AVEN: variants seen among roughly 807,000 people sequenced by gnomAD.
The protein encoded by AVEN is apoptosis and caspase activation inhibitor, also known as cell death regulator Aven.
A neutral mutation model predicts 38.1 loss-of-function variants in AVEN; 41 were observed. The ratio of observed to expected loss-of-function variants is 1.08; its 90% CI spans 0.84 to 1.40. The LOEUF (loss-of-function observed/expected upper bound fraction) is 1.40, where lower values mean the gene tolerates loss of function less well. Ranked by LOEUF, AVEN falls within the 40% of genes most tolerant of loss-of-function variation. The probability of loss-of-function intolerance (pLI) is 0.00; values close to 1 mark genes in which losing one functional copy is unlikely to be tolerated. For missense variants in AVEN, 605 were observed against 438.8 expected (o/e 1.38, Z -3.38); for synonymous variants, 206 against 171.8 (o/e 1.20, Z -1.56).
chr15:34,064,114 C>T, intron 4 of AVEN: 5 of 1,614,178 alleles, frequency 3.1e-6, no homozygotes, highest in Non-Finnish European at 4.2e-6. Flanking sequence ...CTGGTTTCTA[C>T]CTTCTGTGAC....
chr15:34,052,192 C>T (rs1217068992), intron 5 of AVEN, among the ~76,000 whole-genome samples: 1 of 151,920 alleles, frequency 6.6e-6, no homozygotes, highest in African/African-American at 2.4e-5. Flanking sequence ...GTTGGTTCAA[C>T]ATATGCAAAT....
chr15:33,860,944 T>A, intron 11 of AVEN: 1 of 643,646 alleles, frequency 1.6e-6, no homozygotes, highest in Non-Finnish European at 2.6e-6. Flanking sequence ...ATGGCACTAC[T>A]GAGTGAATGA....
rs764513368 is a variant in AVEN, at chr15:33,866,770, T to C, written c.974-42A>G. The C allele has an allele frequency of 3.5e-6, 5 of 1,422,300 alleles. No individual in the cohort carries two copies. The East Asian group carries it at 9.1e-5, about 26-fold the overall frequency. 88.1% of individuals were successfully genotyped at this position (1,422,300 alleles called of 1,614,324 possible). ...AATGTTAACACCCTCAGATGAGTCC[T>C]AAAATTGAAGGTATAATTCAGCCCA... On this transcript the variant is annotated intron_variant, in intron 5 of 5. Transcript: ENST00000306730.
chr15:33,910,905 G>T (rs1892892435), intron 2 of AVEN, among the ~76,000 whole-genome samples: 1 of 152,062 alleles, frequency 6.6e-6, no homozygotes, highest in South Asian at 2.1e-4. Flanking sequence ...TATACAAAAT[G>T]GACAAATAAT....
the AVEN span, chr15:33,852,867 T>C: frequency 5.1e-6 from 3 of 592,660 alleles, no homozygotes; most frequent in East Asian, 3.0e-5. Context: ...AATGAAGCCA[T>C]ACATGACTCA....
chr15:33,857,922 C>T (rs1034336149), downstream of AVEN: 3 of 1,380,228 alleles, frequency 2.2e-6, no homozygotes, highest in Middle Eastern at 1.9e-4. Context: ...ACGGTGAGAG[C>T]CCACCCACTG....
intron 2 of AVEN, among the ~76,000 whole-genome samples, chr15:33,885,364 G>A (rs1891661409): frequency 6.6e-6 from 1 of 152,146 alleles, no homozygotes; most frequent in Non-Finnish European, 1.5e-5. Context: ...CCACAGCTCA[G>A]CCTACAGGAC....
At chr15:34,050,699 A>T (rs926531755) in intron 5 of AVEN, among the ~76,000 whole-genome samples, 5 of 152,234 alleles carry the variant, frequency 3.3e-5, no homozygotes, top group African/African-American at 1.2e-4. Context: ...AGGGGTTGCC[A>T]TCCTAGTTTC....
chr15:34,073,236 T>C (rs1900665906), intron 1 of AVEN, among the ~76,000 whole-genome samples: 1 of 148,032 alleles, frequency 6.8e-6, no homozygotes, highest in Non-Finnish European at 1.5e-5. Flanking sequence ...TTTGTATTTT[T>C]AGTAGAGACG....
downstream of AVEN, among the ~76,000 whole-genome samples, chr15:33,857,305 C>T (rs1249774618): frequency 2.6e-5 from 4 of 152,074 alleles, no homozygotes; most frequent in South Asian, 4.2e-4. Flanking sequence ...AGCACCCTCT[C>T]GCTGCCGCTT....
upstream of AVEN, among the ~76,000 whole-genome samples, chr15:34,041,784 A>G (rs1166970587): frequency 6.6e-6 from 1 of 152,188 alleles, no homozygotes; most frequent in African/African-American, 2.4e-5. Flanking sequence ...TATTTTACAG[A>G]TAAGAAAACT....
At chr15:33,859,569 C>A (rs1452735268) in intron 11 of AVEN, 8 of 1,613,512 alleles carry the variant, frequency 5.0e-6, no homozygotes, top group Non-Finnish European at 5.9e-6. Context: ...TATTTTTCTT[C>A]TCTAGTGTTA....
At chr15:33,904,698 T>A (rs866616024) in intron 2 of AVEN, among the ~76,000 whole-genome samples, 2,653 of 108,212 alleles carry the variant, frequency 0.025, 66 homozygotes, top group African/African-American at 0.08. Context: ...AAAAAAAATA[T>A]ATATATATAT....
intron 2 of AVEN, among the ~76,000 whole-genome samples, chr15:33,976,508 T>C (rs1385746561): frequency 6.6e-6 from 1 of 152,264 alleles, no homozygotes; most frequent in Non-Finnish European, 1.5e-5. Flanking sequence ...AGATTTTTTA[T>C]GGCCTCTCCA....
chr15:33,867,444 T>C, intron 5 of AVEN, 51 bp downstream of exon 5: 1 of 1,533,588 alleles, frequency 6.5e-7, no homozygotes, highest in Non-Finnish European at 8.7e-7. Flanking sequence ...GGGGCTGTTC[T>C]TGAAAAAACA....
At chr15:33,880,153 C>T (rs1050568245) in intron 2 of AVEN, among the ~76,000 whole-genome samples, 5 of 152,034 alleles carry the variant, frequency 3.3e-5, no homozygotes, top group Admixed American at 2.0e-4. Flanking sequence ...CTATCTTATT[C>T]CCCCAGTCTT....
At chr15:33,856,317 T>TGTG (rs1162415081), downstream of AVEN, 2 of 152,242 alleles carry the variant, frequency 1.3e-5, no homozygotes, top group African/African-American at 4.8e-5. Context: ...ACTTACCCAC[T>TGTG]CCCTTTTGTG....
chr15:34,047,500 A>G (rs1899752229), intron 5 of AVEN, among the ~76,000 whole-genome samples: 1 of 152,154 alleles, frequency 6.6e-6, no homozygotes, highest in Non-Finnish European at 1.5e-5. Context: ...TGCAGGCCCC[A>G]CTTCCCTGGC....
chr15:33,855,829 A>G (rs2079600370), downstream of AVEN: 1 of 152,240 alleles, frequency 6.6e-6, no homozygotes, highest in African/African-American at 2.4e-5. Context: ...GAGACTGGAT[A>G]TAGCAACGGC....
Sources: gnomAD v4.1 joint callset for allele counts (sites outside exome capture counted in the v4.1 genomes callset) on GRCh38, gnomAD v4.1.1 for gene constraint, MANE v1.5 for transcripts, NCBI Gene and HGNC (gene_info 2026-07-23, HGNC 2026-07-21) for gene names.